The following COL26A1 variants were observed in gnomAD, a reference collection of about 807,000 sequenced individuals.
The protein encoded by COL26A1 is collagen type XXVI alpha 1 chain.
A neutral mutation model predicts 59.3 loss-of-function variants in COL26A1; 41 were observed. That is an observed-to-expected ratio of 0.69 (90% CI 0.54 to 0.90). The LOEUF is 0.90. Among genes scored for constraint, COL26A1 ranks in the 40% least tolerant of loss-of-function variants. The pLI is 0.00. For synonymous variants in COL26A1, 266 were observed against 256.0 expected (o/e 1.04, Z -0.37); for missense variants, 612 against 602.3 (o/e 1.02, Z -0.17).
At chr7:101,482,759 C>A (rs1040421282) in intron 3 of COL26A1, among the ~76,000 whole-genome samples, 3 of 152,162 alleles carry the variant, frequency 2.0e-5, no homozygotes, top group Non-Finnish European at 4.4e-5. Context: ...GAGTTCAAGA[C>A]CAGCCTGGCC....
At chr7:101,390,159 T>TG (rs1486693780) in intron 1 of COL26A1, among the ~76,000 whole-genome samples, 40 of 136,980 alleles carry the variant, frequency 2.9e-4, no homozygotes, top group Admixed American at 1.4e-3. Context: ...TTTTTTTTTT[T>TG]TTTTTTTTTT....
intron 1 of COL26A1, among the ~76,000 whole-genome samples, chr7:101,390,563 C>CT (rs1791705187): frequency 6.6e-6 from 1 of 152,122 alleles, no homozygotes; most frequent in Admixed American, 6.6e-5. Context: ...GTAGCTGGGA[C>CT]TACAGGCATG....
chr7:101,475,088 C>T (rs1301813219), intron 3 of COL26A1, among the ~76,000 whole-genome samples: 6 of 152,132 alleles, frequency 3.9e-5, no homozygotes, highest in South Asian at 2.1e-4. Flanking sequence ...CCCAGCTACT[C>T]GGGAGGCTGA....
At chr7:101,491,021 A>G (rs2410851) in intron 3 of COL26A1, among the ~76,000 whole-genome samples, 59,211 of 147,808 alleles carry the variant, frequency 0.4, 12,568 homozygotes, top group African/African-American at 0.52. Flanking sequence ...ATAGTGGCAC[A>G]TGCCTGTATT....
At chr7:101,528,920 C>T (rs1047065827) in intron 3 of COL26A1, among the ~76,000 whole-genome samples, 3 of 152,156 alleles carry the variant, frequency 2.0e-5, no homozygotes, top group African/African-American at 7.2e-5. Flanking sequence ...CATCTCAGCT[C>T]TTTGGGAGGC....
rs564195987 is a variant in COL26A1 at position 101,425,245 on chromosome 7, C to T, written c.281+5146C>T. ...ACTAAAAATACAAAAATTAGCCAGG[C>T]GTGGTGGCGGGTGCCTCTAATCCCA... On this transcript the variant is annotated intron_variant, in intron 2 of 12. Transcript: ENST00000313669. Among the ~76,000 whole-genome samples the T allele has an allele frequency of 3.4e-4, 50 of 147,692 alleles. No homozygotes were observed. In the East Asian group the frequency reaches 8.5e-3, roughly 25 times the overall value.
At chr7:101,444,515 A>G (rs1793139245) in intron 2 of COL26A1, among the ~76,000 whole-genome samples, 1 of 151,568 alleles carries the variant, frequency 6.6e-6, no homozygotes, top group Non-Finnish European at 1.5e-5. Context: ...CCTGGGTTCA[A>G]ATGATTCTCC....
intron 3 of COL26A1, among the ~76,000 whole-genome samples, chr7:101,449,605 C>T (rs180750605): frequency 6.6e-6 from 1 of 152,086 alleles, no homozygotes; most frequent in Non-Finnish European, 1.5e-5. Context: ...CCTGTCTCTA[C>T]TAAAATATAC....
chr7:101,463,823 TTC>T (rs1323072389), intron 3 of COL26A1, among the ~76,000 whole-genome samples: 1 of 119,006 alleles, frequency 8.4e-6, no homozygotes, highest in African/African-American at 3.2e-5. Flanking sequence ...CCTCCCTCCC[TTC>T]CTTCCTCCTT....
chr7:101,436,896 A>G lies in COL26A1; in HGVS notation c.282-10788A>G, dbSNP rs895816563. On this transcript the variant is annotated intron_variant, in intron 2 of 12. Coordinates refer to ENST00000313669, the MANE Select transcript of COL26A1 (RefSeq NM_001278563.3). ...ATGCCTGGCTAATTTTTGTATTTTC[A>G]GTTGTGACGGTTTCACCATGTTGGC... Among the ~76,000 whole-genome samples, 6 of 152,054 alleles carry G rather than the reference A, an allele frequency of 3.9e-5. No individual in the cohort carries two copies. The East Asian group carries it at 1.2e-3, about 30-fold the overall frequency.
intron 3 of COL26A1, among the ~76,000 whole-genome samples, chr7:101,463,869 T>TTTC (rs767308668): frequency 3.2e-4 from 29 of 91,730 alleles, no homozygotes; most frequent in African/African-American, 1.7e-3. Flanking sequence ...CTCTTTTTTC[T>TTTC]TTTCTTTCTT....
intron 10 of COL26A1, chr7:101,553,095 C>T (rs1308819144): frequency 4.9e-6 from 2 of 404,824 alleles, no homozygotes; most frequent in Admixed American, 4.1e-5. Context: ...CACTTACAGC[C>T]AACCCTGGAC....
intron 3 of COL26A1, among the ~76,000 whole-genome samples, chr7:101,522,439 TGAG>T: frequency 6.6e-6 from 1 of 152,342 alleles, no homozygotes; most frequent in Non-Finnish European, 1.5e-5. Flanking sequence ...CTCTGGGGGC[TGAG>T]AAGTCTAAGA....
rs1563007375 is a variant in COL26A1 at position 101,489,666 on chromosome 7, TTCCTTC to T, written c.385+41880_385+41885del. Among the ~76,000 whole-genome samples, 45 of 54,894 alleles carry T rather than the reference TTCCTTC, an allele frequency of 8.2e-4. 1 individual carries two copies. Among genetic ancestry groups the T allele is most frequent in the Non-Finnish European group, 9.7e-4 (29 of 29,954 alleles). 36.0% of individuals were successfully genotyped at this position (54,894 alleles called of 152,430 possible). A position where few individuals can be genotyped will look rare whatever the true frequency, so the allele number is the denominator to read the frequency against. On this transcript the variant is annotated intron_variant, in intron 3 of 12. Coordinates refer to ENST00000313669, the MANE Select transcript of COL26A1 (RefSeq NM_001278563.3). ...CTTTCTTTCTTTCTTTCTTTCTTCC[TTCCTTC>T]CTTCCTTCCTTTCTTTCTTTCTTTC...
At chr7:101,467,180 G>C (rs1156937916) in intron 3 of COL26A1, among the ~76,000 whole-genome samples, 1 of 151,822 alleles carries the variant, frequency 6.6e-6, no homozygotes, top group African/African-American at 2.4e-5. Flanking sequence ...TATTGTCAGG[G>C]GTAAATACCT....
At chr7:101,412,424 C>T (rs1345232413) in intron 1 of COL26A1, among the ~76,000 whole-genome samples, 1 of 152,074 alleles carries the variant, frequency 6.6e-6, no homozygotes, top group Non-Finnish European at 1.5e-5. Flanking sequence ...GCGGGCAGAT[C>T]ATTTGAGGTC....
intron 1 of COL26A1, among the ~76,000 whole-genome samples, chr7:101,366,127 G>A (rs1478710759): frequency 6.6e-6 from 1 of 152,200 alleles, no homozygotes; most frequent in East Asian, 1.9e-4. Context: ...TGTTGGGGAG[G>A]CTTGGGGCAC....
chr7:101,400,892 G>A (rs184316391), intron 1 of COL26A1, among the ~76,000 whole-genome samples: 4 of 152,252 alleles, frequency 2.6e-5, no homozygotes, highest in Non-Finnish European at 5.9e-5. Flanking sequence ...TGTTCATTCA[G>A]TAAATACCAC....
intron 11 of COL26A1, among the ~76,000 whole-genome samples, chr7:101,554,348 G>T (rs528832234): frequency 6.6e-6 from 1 of 152,058 alleles, no homozygotes; most frequent in South Asian, 2.1e-4. Context: ...AATCAAGGCC[G>T]CTGTGAGGGG....
Sources: gnomAD v4.1 joint callset for allele counts (sites outside exome capture counted in the v4.1 genomes callset) on GRCh38, gnomAD v4.1.1 for gene constraint, MANE v1.5 for transcripts, NCBI Gene and HGNC (gene_info 2026-07-23, HGNC 2026-07-21) for gene names.